The following CARD6 variants were observed in gnomAD, a reference collection of about 807,000 sequenced individuals.
CARD6 encodes caspase recruitment domain family member 6, also known as caspase recruitment domain-containing protein 6.
CARD6 carries 27 observed loss-of-function variants against 23.6 expected under a neutral mutation model. That is an observed-to-expected ratio of 1.14 (90% CI 0.84 to 1.58). CARD6 has a LOEUF of 1.58. Among genes scored for constraint, CARD6 ranks in the 40% most tolerant of loss-of-function variants. The probability of loss-of-function intolerance (pLI) is 0.00; values close to 1 mark genes in which losing one functional copy is unlikely to be tolerated. For missense variants in CARD6, 1,214 were observed against 1,209.9 expected, an observed-to-expected ratio of 1.00 and a Z score of -0.05; for synonymous variants, 397 against 431.8, an observed-to-expected ratio of 0.92 and a Z score of 1.00.
chr5:40,851,151 G>A (rs570544187), intron 2 of CARD6, among the ~76,000 whole-genome samples: 3 of 151,672 alleles, frequency 2.0e-5, no homozygotes, highest in African/African-American at 7.2e-5. Context: ...TGGCCAACAT[G>A]GTGAAACCCC....
Position 40,841,639 on chromosome 5 carries a change from C to T in CARD6, c.257C>T (p.Ser86Leu), listed in dbSNP as rs10512747. 173,325 of 1,613,284 alleles carry T rather than the reference C, an allele frequency of 0.11. 10,399 individuals carry two copies. Among genetic ancestry groups the T allele is most frequent in the Non-Finnish European group, 0.12 (144,856 of 1,179,490 alleles). Residue 86 changes from serine (S) to leucine (L), a missense_variant, in exon 1 of 3, where the codon TCA becomes TTA. Physicochemically the swap from Ser to Leu is moderately radical, Grantham distance 145. Transcript: ENST00000254691. ...TGTTTATTTAGTACTTTTCCACAGT[C>T]AGCTGCCATTTGCGGCTTAAGGCAT... ...LKCLFSTFPQ[S>L]AAICGLRHEV...
Position 40,853,597 on chromosome 5 carries a change from C to T in CARD6, c.2265C>T (p.Arg755=). ...TGAAAGCCTCCTGGGTTATGGGCCG[C>T]CCCTTTGGGTCAGAGCAGAGGCCTA... is the stretch of plus-strand genomic sequence containing the variant. The part of the protein sequence containing the change: ...VSLKASWVMG[R]PFGSEQRPKW... The change falls in exon 3 of 3, where the codon CGC becomes CGT. Residue 755 remains arginine, a synonymous_variant. Transcript: ENST00000254691. 2 of 1,614,224 alleles carry T rather than the reference C, an allele frequency of 1.2e-6. No homozygotes were observed. Among genetic ancestry groups the T allele is most frequent in the Non-Finnish European group, 1.7e-6 (2 of 1,180,046 alleles).
At chr5:40,842,111 A>G (rs1202303012) in intron 1 of CARD6, among the ~76,000 whole-genome samples, 1 of 152,244 alleles carries the variant, frequency 6.6e-6, no homozygotes, top group East Asian at 1.9e-4. Context: ...TTTAACACAT[A>G]GATGGCAAAT....
chr5:40,841,513 A>G lies in CARD6; in HGVS notation c.131A>G (p.Tyr44Cys). ...CGGAGGCTGATTTCTGAGGAAGAGT[A>G]TGAGACTCTGGAGAATGTTACAGAT... The part of the protein sequence containing the change: ...TSRRLISEEE[Y>C]ETLENVTDLL... Residue 44 changes from tyrosine to cysteine, a missense_variant, in exon 1 of 3, where the codon TAT becomes TGT. Coordinates refer to ENST00000254691, the MANE Select transcript of CARD6 (RefSeq NM_032587.4). The G allele has an allele frequency of 1.9e-6, 3 of 1,614,156 alleles. No individual in the cohort carries two copies. The highest frequency in any genetic ancestry group is 2.5e-6 in the Non-Finnish European group (3 of 1,180,000).
At chr5:40,845,489 C>T (rs1051752593) in intron 2 of CARD6, among the ~76,000 whole-genome samples, 4 of 152,108 alleles carry the variant, frequency 2.6e-5, no homozygotes, top group Non-Finnish European at 4.4e-5. Context: ...TCAACCCATG[C>T]CTCTTGCCCC....
chr5:40,851,992 G>A (rs527266496), intron 2 of CARD6, among the ~76,000 whole-genome samples, 182 bp from the exon 3 acceptor site: 1 of 152,126 alleles, frequency 6.6e-6, no homozygotes, highest in East Asian at 1.9e-4. Context: ...AGGCATGGTG[G>A]TGGGTGACTG....
chr5:40,842,993 G>A (rs1745889010), intron 1 of CARD6, among the ~76,000 whole-genome samples, 159 bp from the exon 2 acceptor site: 3 of 152,138 alleles, frequency 2.0e-5, no homozygotes, highest in South Asian at 2.1e-4. Context: ...AGCCCAGATC[G>A]TGCCATTGCA....
intron 2 of CARD6, among the ~76,000 whole-genome samples, chr5:40,844,982 C>T (rs1482812794): frequency 6.6e-6 from 1 of 151,828 alleles, no homozygotes. Context: ...ATTCACCTGC[C>T]TCAGCTCCCC....
Position 40,854,080 on chromosome 5 carries a change from C to A in CARD6, c.2748C>A (p.Val916=), listed in dbSNP as rs548025252. 65 of 1,614,198 alleles carry A rather than the reference C, an allele frequency of 4.0e-5. No individual in the cohort carries two copies. In the South Asian group the frequency reaches 5.5e-4, roughly 14 times the overall value. The part of the protein sequence containing the change: ...QKLRPASQQG[V]QMKTQGGASN... ...TAAGACCTGCTTCTCAGCAAGGAGT[C>A]CAGATGAAGACACAAGGTGGGGCTT... The change falls in exon 3 of 3, where the codon GTC becomes GTA. Residue 916 remains valine, a synonymous_variant. Transcript: ENST00000254691.
intron 2 of CARD6, among the ~76,000 whole-genome samples, chr5:40,844,093 G>A (rs763409485): frequency 7.9e-5 from 12 of 152,180 alleles, no homozygotes; most frequent in Non-Finnish European, 1.6e-4. Flanking sequence ...TGACCAGAGA[G>A]ATATGGGGAT....
intron 2 of CARD6, among the ~76,000 whole-genome samples, chr5:40,851,316 G>A (rs562207182): frequency 1.5e-4 from 22 of 150,914 alleles, no homozygotes; most frequent in Admixed American, 5.9e-4. Context: ...GGGCAACAGA[G>A]CCAGACTCCA....
intron 2 of CARD6, among the ~76,000 whole-genome samples, chr5:40,847,521 T>C (rs1280400552): frequency 6.6e-6 from 1 of 152,218 alleles, no homozygotes; most frequent in African/African-American, 2.4e-5. Context: ...TTAGTACAAG[T>C]CTGCTGGTGG....
intron 1 of CARD6, 25 bp downstream of exon 1, chr5:40,841,690 G>C (rs1745865074): frequency 6.4e-7 from 1 of 1,570,062 alleles, no homozygotes; most frequent in African/African-American, 1.4e-5. Flanking sequence ...TATACTTTTT[G>C]GGGTGAGAGG....
chr5:40,843,430 C>G lies in CARD6; in HGVS notation c.562C>G (p.Pro188Ala). 1.9e-6 allele frequency: 3 copies of G among 1,613,992 alleles called. No homozygotes were observed. The highest frequency in any genetic ancestry group is 8.5e-7 in the Non-Finnish European group (1 of 1,179,980). ...AGTTGAGAAAGTTGGATGTGAAGTT[C>G]CAGCAACTATTACATATATAAAAGA... The part of the protein sequence containing the change: ...YSVEKVGCEV[P>A]ATITYIKDGQ... Residue 188 changes from proline to alanine, a missense_variant, in exon 2 of 3, where the codon CCA becomes GCA. Coordinates refer to ENST00000254691, the MANE Select transcript of CARD6 (RefSeq NM_032587.4).
chr5:40,850,763 G>A lies in CARD6; in HGVS notation c.842-1411G>A, dbSNP rs192962. Among the ~76,000 whole-genome samples, 147 of 145,544 alleles carry A rather than the reference G, an allele frequency of 1.0e-3. 6 individuals are homozygous for A. The East Asian group carries it at 0.023, about 23-fold the overall frequency. ...AAAAAAAAACCAGTATCAACCTAGA[G>A]TATTTCTCATAGATGTATATAATTT... On this transcript the variant is annotated intron_variant, in intron 2 of 2. Coordinates refer to ENST00000254691, the MANE Select transcript of CARD6 (RefSeq NM_032587.4).
rs1178608977 is a variant in CARD6 at position 40,854,659 on chromosome 5, C to T, written c.*213C>T. 1.5e-5 allele frequency: 8 copies of T among 520,396 alleles called. No individual in the cohort carries two copies. Among genetic ancestry groups the T allele is most frequent in the East Asian group, 9.7e-5 (3 of 30,808 alleles). The allele number at this position is 520,396 out of a possible 1,614,324, so 32.2% of individuals were successfully genotyped here. A position where few individuals can be genotyped will look rare whatever the true frequency, so the allele number is the denominator to read the frequency against. On this transcript the variant is annotated 3_prime_UTR_variant, in exon 3 of 3. Coordinates refer to ENST00000254691, the MANE Select transcript of CARD6 (RefSeq NM_032587.4). ...AGGCTGGAGTGCAATGGCACGATCT[C>T]GGCTCACCGCAACCTCTGCTTCCTG...
rs190307506 is a variant in CARD6, at chr5:40,847,575, G to T, written c.841+3866G>T. ...GTTTATTGAAAGATATTTTTATTTT[G>T]CCTTCATTCCAGAAGGTTGCTTTTG... On this transcript the variant is annotated intron_variant, in intron 2 of 2. Coordinates refer to ENST00000254691, the MANE Select transcript of CARD6 (RefSeq NM_032587.4). 2.5e-3 allele frequency among the ~76,000 whole-genome samples: 383 copies of T among 152,122 alleles called. 3 individuals carry two copies. The highest frequency in any genetic ancestry group is 8.9e-3 in the African/African-American group (368 of 41,526).
chr5:40,844,371 T>A (rs192883935), intron 2 of CARD6, among the ~76,000 whole-genome samples: 26 of 152,176 alleles, frequency 1.7e-4, no homozygotes, highest in Admixed American at 1.6e-3. Flanking sequence ...GTAGCTAGCA[T>A]TACAGGTGCC....
rs754500231 is a variant in CARD6 at position 40,843,349 on chromosome 5, T to C, written c.481T>C (p.Ser161Pro). The C allele has an allele frequency of 1.2e-6, 2 of 1,614,154 alleles. No homozygotes were observed. The highest frequency in any genetic ancestry group is 1.7e-6 in the Non-Finnish European group (2 of 1,180,022). Reference sequence around the variant, plus strand: ...AACTAGTTATAGGGAAACAGCTTTGTCTGCCAGGAAGAATGAGAAGGAATA... The same window carrying C: ...AACTAGTTATAGGGAAACAGCTTTGCCTGCCAGGAAGAATGAGAAGGAATA... Reference protein sequence around the residue: ...KKTSYRETALSARKNEKEYDT... With the variant: ...KKTSYRETALPARKNEKEYDT... The change falls in exon 2 of 3, where the codon TCT becomes CCT. Residue 161 changes from serine (S) to proline (P), a missense_variant. Ser to Pro is a moderately conservative substitution (Grantham distance 74). Transcript: ENST00000254691.
Sources: gnomAD v4.1 joint callset for allele counts (sites outside exome capture counted in the v4.1 genomes callset) on GRCh38, gnomAD v4.1.1 for gene constraint, MANE v1.5 for transcripts, NCBI Gene and HGNC (gene_info 2026-07-23, HGNC 2026-07-21) for gene names.